PTPRN2: variants seen among roughly 807,000 people sequenced by gnomAD.
The protein encoded by PTPRN2 is protein tyrosine phosphatase receptor type N2.
A neutral mutation model predicts 118.8 loss-of-function variants in PTPRN2; 74 were observed. That is an observed-to-expected ratio of 0.62 (90% CI 0.52 to 0.76). PTPRN2 has a LOEUF of 0.76. Ranked by LOEUF, PTPRN2 falls within the 30% of genes least tolerant of loss-of-function variation. The pLI, the probability that PTPRN2 is intolerant of heterozygous loss-of-function variation, is 0.00. For missense variants in PTPRN2, 1,481 were observed against 1,394.4 expected (o/e 1.06, Z -0.99); for synonymous variants, 641 against 608.0 (o/e 1.05, Z -0.80).
intron 12 of PTPRN2, among the ~76,000 whole-genome samples, chr7:157,818,517 A>T (rs563752045): frequency 6.8e-6 from 1 of 146,666 alleles, no homozygotes. Flanking sequence ...GGACGTCTCA[A>T]GAGAGGGCGT....
intron 11 of PTPRN2, among the ~76,000 whole-genome samples, chr7:157,932,309 T>C (rs968705957): frequency 1.3e-5 from 2 of 152,232 alleles, no homozygotes; most frequent in East Asian, 1.9e-4. Context: ...AGAACATTTC[T>C]AGAACAAAAT....
Position 157,927,079 on chromosome 7 carries a change from C to T in PTPRN2, c.1724-28342G>A, listed in dbSNP as rs1799042547. On this transcript the variant is annotated intron_variant, in intron 11 of 22. Coordinates refer to ENST00000389418, the MANE Select transcript of PTPRN2 (RefSeq NM_002847.5). ...AGCAGAGGCCTCGCATCTTCTGGGACCCCGAAGACAGGAAGCCCCAGGGAC... is the reference window on the plus strand; with the variant it reads ...AGCAGAGGCCTCGCATCTTCTGGGATCCCGAAGACAGGAAGCCCCAGGGAC... Among the ~76,000 whole-genome samples, 2 of 128,024 alleles carry T rather than the reference C, an allele frequency of 1.6e-5. 1 individual carries two copies. The highest frequency in any genetic ancestry group is 3.6e-5 in the Non-Finnish European group (2 of 55,036). The allele number at this position is 128,024 out of a possible 152,430, so 84.0% of individuals were successfully genotyped here. A position where few individuals can be genotyped will look rare whatever the true frequency, so the allele number is the denominator to read the frequency against.
chr7:158,402,961 C>A (rs1813063201), intron 2 of PTPRN2, among the ~76,000 whole-genome samples: 1 of 152,200 alleles, frequency 6.6e-6, no homozygotes, highest in Non-Finnish European at 1.5e-5. Flanking sequence ...GCAAAGGGAC[C>A]CTTCCCAGAG....
At chr7:157,642,080 C>T (rs917212682) in intron 14 of PTPRN2, among the ~76,000 whole-genome samples, 2 of 152,246 alleles carry the variant, frequency 1.3e-5, no homozygotes, top group East Asian at 3.8e-4. Flanking sequence ...TGTAGCCCCC[C>T]TGCCACGCCC....
chr7:157,890,688 G>T (rs1796748566), intron 12 of PTPRN2, among the ~76,000 whole-genome samples: 1 of 152,158 alleles, frequency 6.6e-6, no homozygotes, highest in African/African-American at 2.4e-5. Flanking sequence ...GGATGTGATT[G>T]GAACATCTAC....
chr7:157,671,926 A>T lies in PTPRN2; in HGVS notation c.2001+10799T>A, dbSNP rs1015253094. Among the ~76,000 whole-genome samples, 8 of 151,970 alleles carry T rather than the reference A, an allele frequency of 5.3e-5. No homozygotes were observed. The highest frequency in any genetic ancestry group is 7.4e-5 in the Non-Finnish European group (5 of 67,998). ...TAAGGTCTGTACGGGGAGTTTCTAAAAGTCTACGCTGTACCCCAAGAAGGG... is the reference window on the plus strand; with the variant it reads ...TAAGGTCTGTACGGGGAGTTTCTAATAGTCTACGCTGTACCCCAAGAAGGG... On this transcript the variant is annotated intron_variant, in intron 13 of 22. Coordinates refer to ENST00000389418, the MANE Select transcript of PTPRN2 (RefSeq NM_002847.5). This position sits in a 1 kb window ranked among gnomAD's most constrained non-coding sequence, Gnocchi z 4.1.
At chr7:158,031,207 G>C (rs1807661353) in intron 11 of PTPRN2, 1 of 152,214 alleles carries the variant, frequency 6.6e-6, no homozygotes, top group African/African-American at 2.4e-5. Context: ...CTGAATGTCT[G>C]TTCTGGAAGA....
chr7:157,658,662 C>T (rs974486269), intron 13 of PTPRN2, among the ~76,000 whole-genome samples: 1 of 152,214 alleles, frequency 6.6e-6, no homozygotes, highest in African/African-American at 2.4e-5. Context: ...GACGTCTGAC[C>T]AACAATCTCG....
chr7:158,386,592 C>T (rs957860074), intron 2 of PTPRN2, among the ~76,000 whole-genome samples: 2 of 152,132 alleles, frequency 1.3e-5, no homozygotes, highest in East Asian at 1.9e-4. Context: ...GGGACATGAA[C>T]CTGGAGAAAG....
At position 158,316,847 on chromosome 7, in the gene PTPRN2, G is replaced by T; in HGVS notation, c.249C>A (p.Arg83=). The T allele has an allele frequency of 6.2e-7, 1 of 1,608,914 alleles. No homozygotes were observed. The highest frequency in any genetic ancestry group is 8.5e-7 in the Non-Finnish European group (1 of 1,179,520). The change falls in exon 3 of 23, where the codon CGC becomes CGA. Residue 83 remains arginine, a synonymous_variant. Transcript: ENST00000389418. ...EVSPVALQRL[R]VALQKLSGTG... ...TGCCGGAAAGCTTCTGCAACGCCAC[G>T]CGCAGGCGCTGCAGGGCCACGGGCG...
chr7:158,448,294 T>G (rs1345319295), intron 2 of PTPRN2, among the ~76,000 whole-genome samples: 2 of 152,244 alleles, frequency 1.3e-5, no homozygotes, highest in South Asian at 4.1e-4. Flanking sequence ...TAGTATTTAT[T>G]ATACATTTTC....
chr7:157,995,186 C>T (rs941357407), intron 11 of PTPRN2, among the ~76,000 whole-genome samples: 2 of 150,872 alleles, frequency 1.3e-5, no homozygotes, highest in Non-Finnish European at 2.9e-5. Flanking sequence ...CAGCTTACAA[C>T]TCCTTGTTCT....
At chr7:158,176,857 A>G (rs1051975486) in intron 5 of PTPRN2, among the ~76,000 whole-genome samples, 1 of 152,234 alleles carries the variant, frequency 6.6e-6, no homozygotes, top group Non-Finnish European at 1.5e-5. Flanking sequence ...CAACATGTGG[A>G]GGCCACGGTC....
Position 158,522,646 on chromosome 7 carries a change from G to C in PTPRN2, c.113-32861C>G, listed in dbSNP as rs1025838506. Among the ~76,000 whole-genome samples the C allele has an allele frequency of 4.6e-5, 7 of 152,342 alleles. No individual in the cohort carries two copies. In the East Asian group the frequency reaches 1.2e-3, roughly 25 times the overall value. ...ATGCACCTTGCTGCGGCTAGATGCA[G>C]TCTGTGGACACAGATTAAGGTGAAG... On this transcript the variant is annotated intron_variant, in intron 1 of 22. Transcript: ENST00000389418.
At chr7:158,370,411 G>A (rs1445753272) in intron 2 of PTPRN2, among the ~76,000 whole-genome samples, 2 of 151,922 alleles carry the variant, frequency 1.3e-5, no homozygotes, top group Non-Finnish European at 2.9e-5. Flanking sequence ...ACTCCAGCCT[G>A]GGTGACAGAG....
chr7:157,874,796 T>C lies in PTPRN2; in HGVS notation c.1788+23877A>G, dbSNP rs1227100349. ...ACACACGAACACACTCATACACATA[T>C]ACACACAGAGACACACTCATGGACA... On this transcript the variant is annotated intron_variant, in intron 12 of 22. Coordinates refer to ENST00000389418, the MANE Select transcript of PTPRN2 (RefSeq NM_002847.5). This position sits in a 1 kb window ranked among gnomAD's most constrained non-coding sequence, Gnocchi z 5.8. Among the ~76,000 whole-genome samples, 1 of 140,858 alleles carries C rather than the reference T, an allele frequency of 7.1e-6. No individual in the cohort carries two copies. Among genetic ancestry groups the C allele is most frequent in the Admixed American group, 6.9e-5 (1 of 14,408 alleles). 92.4% of individuals were successfully genotyped at this position (140,858 alleles called of 152,430 possible).
At chr7:157,709,630 A>G (rs1161075455) in intron 12 of PTPRN2, among the ~76,000 whole-genome samples, 2 of 152,182 alleles carry the variant, frequency 1.3e-5, no homozygotes, top group Non-Finnish European at 2.9e-5. Context: ...CACATGGCCC[A>G]CAGGAATGGG....
intron 13 of PTPRN2, among the ~76,000 whole-genome samples, chr7:157,681,560 A>G (rs1436630451): frequency 6.6e-6 from 1 of 152,234 alleles, no homozygotes; most frequent in African/African-American, 2.4e-5. Context: ...AATACCAGGA[A>G]TTTTGAAATG....
chr7:158,259,425 G>C (rs1797242960), intron 3 of PTPRN2, among the ~76,000 whole-genome samples: 2 of 152,212 alleles, frequency 1.3e-5, no homozygotes, highest in Admixed American at 1.3e-4. Flanking sequence ...CTGCAGGGAA[G>C]AGTGACATCA....
Sources: allele counts gnomAD v4.1 joint callset (sites outside exome capture counted in the v4.1 genomes callset), GRCh38; gene constraint gnomAD v4.1.1; non-coding constraint Gnocchi (gnomAD v3.1); transcripts MANE v1.5; gene names NCBI Gene and HGNC (gene_info 2026-07-23, HGNC 2026-07-21).